Variants in PCDH15 observed in about 807,000 individuals in gnomAD.
The protein encoded by PCDH15 is protocadherin related 15.
In PCDH15, 129 loss-of-function variants were observed where a neutral mutation model predicts 178.5. The observed-to-expected ratio is 0.72, with a 90% CI of 0.63 to 0.84. The LOEUF (loss-of-function observed/expected upper bound fraction) is 0.84, where lower values mean the gene tolerates loss of function less well. Among genes scored for constraint, PCDH15 ranks in the 40% least tolerant of loss-of-function variants. The pLI, the probability that PCDH15 is intolerant of heterozygous loss-of-function variation, is 0.00. For missense variants in PCDH15, 2,230 were observed against 2,099.9 expected (o/e 1.06, Z -1.21); for synonymous variants, 800 against 732.0 (o/e 1.09, Z -1.50).
At chr10:54,908,625 T>A (rs986694587) in intron 2 of PCDH15, among the ~76,000 whole-genome samples, 1 of 152,182 alleles carries the variant, frequency 6.6e-6, no homozygotes, top group Non-Finnish European at 1.5e-5. Context: ...TTGTCCTGCA[T>A]CCAGGAAGAA....
intron 2 of PCDH15, among the ~76,000 whole-genome samples, chr10:55,145,981 A>G (rs1349361360): frequency 6.6e-6 from 1 of 151,922 alleles, no homozygotes; most frequent in Non-Finnish European, 1.5e-5. Context: ...CCATACAACC[A>G]TAAACAGGAA....
At chr10:54,743,416 A>G (rs558406793) in intron 1 of PCDH15, among the ~76,000 whole-genome samples, 6 of 152,094 alleles carry the variant, frequency 3.9e-5, no homozygotes, top group African/African-American at 1.4e-4. Context: ...TGACTCCTTC[A>G]TTGTGGATTA....
At chr10:54,470,834 T>C (rs1446541853) in intron 3 of PCDH15, among the ~76,000 whole-genome samples, 1 of 152,300 alleles carries the variant, frequency 6.6e-6, no homozygotes, top group East Asian at 1.9e-4. Flanking sequence ...AGGTGATCTA[T>C]TCAAAGTGTC....
intron 16 of PCDH15, among the ~76,000 whole-genome samples, chr10:54,083,112 TAAC>T (rs1427931407): frequency 6.6e-6 from 1 of 152,096 alleles, no homozygotes; most frequent in Non-Finnish European, 1.5e-5. Context: ...CCACCATTAC[TAAC>T]AACAACAACA....
At chr10:55,224,874 G>T (rs1840983006) in intron 1 of PCDH15, among the ~76,000 whole-genome samples, 1 of 151,890 alleles carries the variant, frequency 6.6e-6, no homozygotes, top group Non-Finnish European at 1.5e-5. Context: ...TGTTTACCCT[G>T]CCTGTTTGTG....
intron 11 of PCDH15, chr10:54,189,219 T>G: frequency 1.9e-6 from 1 of 513,810 alleles, no homozygotes; most frequent in Non-Finnish European, 3.4e-6. Flanking sequence ...TAAGTATATT[T>G]AAATTTATAT....
chr10:55,535,132 A>G (rs1425492795), intron 2 of PCDH15, among the ~76,000 whole-genome samples: 2 of 152,124 alleles, frequency 1.3e-5, no homozygotes, highest in Admixed American at 6.6e-5. Flanking sequence ...TAATATACCC[A>G]TGTAATAAAT....
intron 15 of PCDH15, among the ~76,000 whole-genome samples, chr10:54,105,327 CAT>C (rs1460175920): frequency 1.9e-5 from 2 of 104,744 alleles, no homozygotes; most frequent in East Asian, 2.3e-4. Context: ...TACACACACA[CAT>C]ACATATATAT....
chr10:55,313,483 G>A (rs534546279), intron 1 of PCDH15, among the ~76,000 whole-genome samples: 4 of 152,248 alleles, frequency 2.6e-5, no homozygotes, highest in East Asian at 1.9e-4. Context: ...TTGGGATGGC[G>A]TTACGGATGT....
At chr10:54,139,301 TAA>T (rs147978777) in intron 14 of PCDH15, among the ~76,000 whole-genome samples, 1 of 148,818 alleles carries the variant, frequency 6.7e-6, no homozygotes, top group Admixed American at 6.7e-5. Context: ...CATCAGCTAT[TAA>T]AAAAAAAAGT....
intron 30 of PCDH15, 74 bp from the exon 31 acceptor site, chr10:53,828,647 T>G: frequency 8.4e-7 from 1 of 1,189,982 alleles, no homozygotes; most frequent in East Asian, 2.3e-5. Flanking sequence ...TTTTAACATC[T>G]GATTTATTCT....
chr10:54,040,445 T>TC (rs1449744053), intron 18 of PCDH15, among the ~76,000 whole-genome samples: 1 of 152,028 alleles, frequency 6.6e-6, no homozygotes, highest in Non-Finnish European at 1.5e-5. Context: ...TTGTGAGGCC[T>TC]CCCCAGCCAT....
intron 6 of PCDH15, among the ~76,000 whole-genome samples, chr10:54,340,309 C>T (rs746212535): frequency 1.3e-5 from 2 of 152,084 alleles, no homozygotes; most frequent in Non-Finnish European, 2.9e-5. Context: ...ATGTTTTTCT[C>T]TGATCACAAC....
intron 3 of PCDH15, among the ~76,000 whole-genome samples, chr10:54,521,118 T>C (rs1200811079): frequency 2.0e-5 from 3 of 150,390 alleles, no homozygotes; most frequent in South Asian, 2.2e-4. Flanking sequence ...TGCTAAATGA[T>C]GAGTTAATGG....
At chr10:54,292,076 A>G (rs918210675) in intron 8 of PCDH15, among the ~76,000 whole-genome samples, 1 of 152,210 alleles carries the variant, frequency 6.6e-6, no homozygotes, top group African/African-American at 2.4e-5. Flanking sequence ...TCCTCAATAA[A>G]ATACTGGCAA....
intron 22 of PCDH15, among the ~76,000 whole-genome samples, chr10:53,960,417 G>A (rs1428777575): frequency 6.6e-6 from 1 of 152,076 alleles, no homozygotes; most frequent in Non-Finnish European, 1.5e-5. Flanking sequence ...CAAATTATAA[G>A]GCCAAGTTCA....
intron 2 of PCDH15, among the ~76,000 whole-genome samples, chr10:55,611,779 T>A (rs951899655): frequency 2.0e-5 from 3 of 151,960 alleles, no homozygotes; most frequent in Non-Finnish European, 4.4e-5. Flanking sequence ...GATGAATGGA[T>A]AAAGGAAATT....
intron 1 of PCDH15, among the ~76,000 whole-genome samples, chr10:55,304,039 C>T (rs185395304): frequency 2.6e-5 from 4 of 152,106 alleles, no homozygotes; most frequent in African/African-American, 9.6e-5. Context: ...TTACATTTCC[C>T]TCTAATAACC....
chr10:55,533,711 G>A (rs1438791908), intron 2 of PCDH15, among the ~76,000 whole-genome samples: 1 of 151,800 alleles, frequency 6.6e-6, no homozygotes, highest in Non-Finnish European at 1.5e-5. Flanking sequence ...ATTCTTAGCA[G>A]AAGTAGAAAA....
Sources: allele counts gnomAD v4.1 joint callset (sites outside exome capture counted in the v4.1 genomes callset), GRCh38; gene constraint gnomAD v4.1.1; transcripts MANE v1.5; gene names NCBI Gene and HGNC (gene_info 2026-07-23, HGNC 2026-07-21).